The following BNC2 variants were observed in gnomAD, a reference collection of about 807,000 sequenced individuals.
BNC2 encodes zinc finger protein basonuclin-2.
A neutral mutation model predicts 76.3 loss-of-function variants in BNC2; 20 were observed. The ratio of observed to expected loss-of-function variants is 0.26; its 90% CI spans 0.18 to 0.38. The LOEUF (loss-of-function observed/expected upper bound fraction) is 0.38. Ranked by LOEUF, BNC2 falls within the 10% of genes least tolerant of loss-of-function variation. The pLI is 1.00. For synonymous variants in BNC2, 582 were observed against 514.8 expected (o/e 1.13, Z -1.77); for missense variants, 1,382 against 1,399.8 (o/e 0.99, Z 0.20).
intron 3 of BNC2, among the ~76,000 whole-genome samples, chr9:16,673,228 C>G (rs1822533098): frequency 6.6e-6 from 1 of 152,048 alleles, no homozygotes; most frequent in Non-Finnish European, 1.5e-5. Flanking sequence ...CAAGAAATTC[C>G]TAATGGTTTC....
chr9:16,430,221 T>C lies in BNC2; in HGVS notation c.2639+5334A>G, dbSNP rs1439996699. Among the ~76,000 whole-genome samples, 5 of 152,076 alleles carry C rather than the reference T, an allele frequency of 3.3e-5. No homozygotes were observed. The East Asian group carries it at 9.6e-4, about 29-fold the overall frequency. ...AAAAAAAAAAAACTCTTCCTTAACA[T>C]TTAGAAGTCAGAGGACCTGCACAAC... On this transcript the variant is annotated intron_variant, in intron 6 of 6. Transcript: ENST00000380672.
intron 5 of BNC2, among the ~76,000 whole-genome samples, chr9:16,532,132 T>C (rs1817995775): frequency 6.6e-6 from 1 of 152,018 alleles, no homozygotes; most frequent in Admixed American, 6.6e-5. Context: ...AAGTAGCTTA[T>C]CCTTGATACT....
At chr9:16,671,806 C>G (rs939850919) in intron 3 of BNC2, among the ~76,000 whole-genome samples, 5 of 152,192 alleles carry the variant, frequency 3.3e-5, no homozygotes, top group African/African-American at 1.2e-4. Context: ...TTGACAAGTA[C>G]TGTTCTGAAA....
At chr9:16,538,897 T>C (rs1818208754) in intron 5 of BNC2, among the ~76,000 whole-genome samples, 1 of 152,220 alleles carries the variant, frequency 6.6e-6, no homozygotes, top group South Asian at 2.1e-4. Context: ...CTGCAATAAT[T>C]ATAGATCATA....
At chr9:16,716,282 A>G (rs1182792167) in intron 3 of BNC2, among the ~76,000 whole-genome samples, 1 of 152,210 alleles carries the variant, frequency 6.6e-6, no homozygotes, top group East Asian at 1.9e-4. Flanking sequence ...CACAGCAAAT[A>G]TTCATCTTTA....
At chr9:16,670,440 A>G (rs1412002829) in intron 3 of BNC2, among the ~76,000 whole-genome samples, 1 of 152,138 alleles carries the variant, frequency 6.6e-6, no homozygotes, top group Non-Finnish European at 1.5e-5. Flanking sequence ...TCTGCCTCCC[A>G]AAGTGCTGGG....
At chr9:16,576,411 G>C (rs940778057) in intron 4 of BNC2, among the ~76,000 whole-genome samples, 1 of 152,186 alleles carries the variant, frequency 6.6e-6, no homozygotes, top group Non-Finnish European at 1.5e-5. Flanking sequence ...AAGGAGAGAA[G>C]ACTAGGGAAG....
chr9:16,537,047 T>A (rs1818151565), intron 5 of BNC2, among the ~76,000 whole-genome samples: 1 of 152,166 alleles, frequency 6.6e-6, no homozygotes, highest in Admixed American at 6.5e-5. Flanking sequence ...GTGAAAATTA[T>A]ATGGCATATT....
intron 3 of BNC2, among the ~76,000 whole-genome samples, chr9:16,713,211 G>C (rs1327089804): frequency 6.6e-6 from 1 of 152,034 alleles, no homozygotes; most frequent in Non-Finnish European, 1.5e-5. Context: ...GGGTAAAATG[G>C]GATCAATGTC....
At chr9:16,519,400 C>G (rs768988016) in intron 5 of BNC2, among the ~76,000 whole-genome samples, 1 of 152,152 alleles carries the variant, frequency 6.6e-6, no homozygotes, top group Non-Finnish European at 1.5e-5. Context: ...CTCAAATCAA[C>G]CTTAGCAGAT....
At chr9:16,714,087 A>G (rs1286665244) in intron 3 of BNC2, among the ~76,000 whole-genome samples, 1 of 152,134 alleles carries the variant, frequency 6.6e-6, no homozygotes, top group Non-Finnish European at 1.5e-5. Context: ...TCTCCCCTCA[A>G]CCACCAAAAT....
chr9:16,763,775 T>C (rs1586864439), intron 1 of BNC2, among the ~76,000 whole-genome samples: 1 of 152,214 alleles, frequency 6.6e-6, no homozygotes, highest in East Asian at 1.9e-4. Context: ...CCATTCATTC[T>C]GCTAAAAATG....
chr9:16,561,233 C>T (rs113912722), intron 4 of BNC2, among the ~76,000 whole-genome samples: 16,049 of 147,644 alleles, frequency 0.11, 1,387 homozygotes, highest in African/African-American at 0.24. Context: ...AGTGAAACTC[C>T]GCCTCAAAAA....
intron 6 of BNC2, among the ~76,000 whole-genome samples, chr9:16,431,749 G>A (rs901078172): frequency 1.3e-5 from 2 of 152,184 alleles, no homozygotes; most frequent in East Asian, 3.8e-4. Flanking sequence ...ATGTGAGTAG[G>A]GGGTATAGTT....
At chr9:16,468,277 GAC>G (rs1821738417) in intron 5 of BNC2, among the ~76,000 whole-genome samples, 2 of 152,012 alleles carry the variant, frequency 1.3e-5, no homozygotes, top group African/African-American at 4.8e-5. Flanking sequence ...GACTGCCCAA[GAC>G]ACACTTAGAG....
Position 16,585,400 on chromosome 9 carries a change from G to C in BNC2, c.331-2315C>G, listed in dbSNP as rs533737491. Among the ~76,000 whole-genome samples, 4 of 151,940 alleles carry C rather than the reference G, an allele frequency of 2.6e-5. No individual in the cohort carries two copies. The South Asian group carries it at 8.3e-4, about 32-fold the overall frequency. On this transcript the variant is annotated intron_variant, in intron 3 of 6. Transcript: ENST00000380672. ...TTTGTACCTAAACATGCAAACACTGGAACACCTCAACTCCTTTTGTATATA... is the reference window on the plus strand; with the variant it reads ...TTTGTACCTAAACATGCAAACACTGCAACACCTCAACTCCTTTTGTATATA...
At chr9:16,526,786 C>T (rs371076733) in intron 5 of BNC2, among the ~76,000 whole-genome samples, 4 of 152,076 alleles carry the variant, frequency 2.6e-5, no homozygotes, top group East Asian at 3.9e-4. Flanking sequence ...TATTGAGATT[C>T]TATGACACTC....
intron 4 of BNC2, among the ~76,000 whole-genome samples, chr9:16,568,850 A>C (rs1390799294): frequency 1.3e-5 from 2 of 152,172 alleles, no homozygotes; most frequent in Non-Finnish European, 2.9e-5. Flanking sequence ...TTAGATCTGC[A>C]CATTTTATTC....
At chr9:16,816,784 T>C (rs1475649325) in intron 1 of BNC2, among the ~76,000 whole-genome samples, 1 of 152,178 alleles carries the variant, frequency 6.6e-6, no homozygotes, top group Non-Finnish European at 1.5e-5. Context: ...AAGTATGTAG[T>C]CTTACATGTG....
Sources: allele counts gnomAD v4.1 joint callset (sites outside exome capture counted in the v4.1 genomes callset), GRCh38; gene constraint gnomAD v4.1.1; transcripts MANE v1.5; gene names NCBI Gene and HGNC (gene_info 2026-07-23, HGNC 2026-07-21).